The following AGO3 variants were observed in gnomAD, a reference collection of about 807,000 sequenced individuals.
AGO3 encodes argonaute RISC catalytic component 3.
AGO3 carries 16 observed loss-of-function variants against 105.5 expected under a neutral mutation model. The observed-to-expected ratio is 0.15, with a 90% confidence interval of 0.10 to 0.23. The LOEUF (loss-of-function observed/expected upper bound fraction) is 0.23. Ranked by LOEUF, AGO3 falls within the 10% of genes least tolerant of loss-of-function variation. The pLI, the probability that AGO3 is intolerant of heterozygous loss-of-function variation, is 1.00. For missense variants in AGO3, 534 were observed against 1,088.0 expected (o/e 0.49, Z 7.16); for synonymous variants, 340 against 367.3 (o/e 0.93, Z 0.85).
intron 13 of AGO3, among the ~76,000 whole-genome samples, chr1:36,035,513 A>T (rs1216192262): frequency 1.3e-5 from 2 of 152,214 alleles, no homozygotes; most frequent in African/African-American, 4.8e-5. Flanking sequence ...GGAGTAGTGG[A>T]TTCCCAAAAT....
chr1:35,996,192 G>C (rs1362848952), intron 5 of AGO3, among the ~76,000 whole-genome samples: 3 of 151,876 alleles, frequency 2.0e-5, no homozygotes, highest in Admixed American at 2.0e-4. Flanking sequence ...GAGCGTGGTG[G>C]TGCATGCCTC....
Position 36,027,203 on chromosome 1 carries a change from C to A in AGO3, c.1496C>A (p.Ala499Glu), listed in dbSNP as rs1557696571. ...TGCTTCTGCAAATATGCACAGGGGG[C>A]AGACAGCGTAGAGCCCATGTTCCGG... ...QPCFCKYAQG[A>E]DSVEPMFRHL... The change falls in exon 12 of 19, where the codon GCA becomes GAA. Residue 499 changes from alanine to glutamate, a missense_variant. Physicochemically the swap from Ala to Glu is moderately radical, Grantham distance 107 (BLOSUM62 -1). Around this residue, in one of 2 missense-constraint regions of AGO3, gnomAD observed 373 missense variants for 854.0 expected, o/e 0.44. Coordinates refer to ENST00000373191, the MANE Select transcript of AGO3 (RefSeq NM_024852.4). This position sits in a 1 kb window ranked among gnomAD's most constrained non-coding sequence, Gnocchi z 4.0. 2 of 1,614,190 alleles carry A rather than the reference C, an allele frequency of 1.2e-6. No homozygotes were observed. The highest frequency in any genetic ancestry group is 1.7e-6 in the Non-Finnish European group (2 of 1,180,030).
intron 16 of AGO3, among the ~76,000 whole-genome samples, chr1:36,042,581 T>C (rs1642295312): frequency 6.6e-6 from 1 of 152,204 alleles, no homozygotes. Flanking sequence ...GCAAAAATAT[T>C]ATCTGAGTCA....
chr1:35,991,491 A>T (rs1353820799), intron 5 of AGO3, among the ~76,000 whole-genome samples: 8 of 149,870 alleles, frequency 5.3e-5, no homozygotes. Flanking sequence ...TTTTTAAAAA[A>T]TTTTCAGAAT....
chr1:35,933,193 G>A (rs1646086158), intron 1 of AGO3, among the ~76,000 whole-genome samples: 4 of 152,102 alleles, frequency 2.6e-5, no homozygotes, highest in Admixed American at 1.3e-4. Flanking sequence ...CTTCAGTACA[G>A]TTTATACATG....
chr1:36,033,850 A>C (rs1236144512), intron 12 of AGO3, among the ~76,000 whole-genome samples: 2 of 152,130 alleles, frequency 1.3e-5, no homozygotes, highest in East Asian at 1.9e-4. Context: ...ATTGGAAGAG[A>C]GTACTATAAA....
At chr1:35,951,772 G>A (rs1266424964) in intron 2 of AGO3, among the ~76,000 whole-genome samples, 1 of 152,146 alleles carries the variant, frequency 6.6e-6, no homozygotes, top group East Asian at 1.9e-4. Flanking sequence ...GAGCAGCAAT[G>A]TGTTTAAAGA....
rs1643146260 is a variant in AGO3, at chr1:36,070,418, G to T, written c.*14673G>T. On this transcript the variant is annotated 3_prime_UTR_variant, in exon 19 of 19. Transcript: ENST00000373191. ...GATGCAGTTACCTTTATAGATCGTG[G>T]CAGGTCCTTACATTTCAACAGGCTT... 6.6e-6 allele frequency: 1 copy of T among 152,188 alleles called. No individual in the cohort carries two copies. 9.4% of individuals were successfully genotyped at this position (152,188 alleles called of 1,614,324 possible). A position where few individuals can be genotyped will look rare whatever the true frequency, so the allele number is the denominator to read the frequency against.
intron 11 of AGO3, among the ~76,000 whole-genome samples, chr1:36,021,829 A>G (rs1641240934): frequency 6.6e-6 from 1 of 152,126 alleles, no homozygotes; most frequent in African/African-American, 2.4e-5. Context: ...TTTCTAGTCA[A>G]CAGACCTGAA....
In AGO3 at chr1:36,057,251, GAA is replaced by G. The variant is rs1281914937; in HGVS notation, c.*1507_*1508del. Reference sequence around the variant, plus strand: ...TGAGACCTCTGAAATTGAGTAGAGAGAAGAGTTTGTTGAGGGATTTTTTTGTT... The same window carrying G: ...TGAGACCTCTGAAATTGAGTAGAGAGGAGTTTGTTGAGGGATTTTTTTGTT... On this transcript the variant is annotated 3_prime_UTR_variant, in exon 19 of 19. Transcript: ENST00000373191. 3 of 152,032 alleles carry G rather than the reference GAA, an allele frequency of 2.0e-5. No individual in the cohort carries two copies. The highest frequency in any genetic ancestry group is 7.2e-5 in the African/African-American group (3 of 41,384). 9.4% of individuals were successfully genotyped at this position (152,032 alleles called of 1,614,324 possible).
intron 11 of AGO3, among the ~76,000 whole-genome samples, chr1:36,026,376 G>A (rs572367438): frequency 6.6e-6 from 1 of 152,206 alleles, no homozygotes; most frequent in South Asian, 2.1e-4. Flanking sequence ...CCAAATTGCT[G>A]GGATTATAGG....
intron 17 of AGO3, among the ~76,000 whole-genome samples, chr1:36,049,932 G>A (rs1642634964): frequency 6.6e-6 from 1 of 152,164 alleles, no homozygotes; most frequent in African/African-American, 2.4e-5. Flanking sequence ...AGTATTATTA[G>A]CTCTAAAGAA....
At chr1:35,935,084 A>C (rs375626665) in intron 1 of AGO3, among the ~76,000 whole-genome samples, 1 of 152,314 alleles carries the variant, frequency 6.6e-6, no homozygotes, top group South Asian at 2.1e-4. Flanking sequence ...ATTTTGGCTT[A>C]TGCTGCCCTG....
chr1:36,001,066 TCTCCACTAAAA>T (rs1372999855), intron 5 of AGO3, among the ~76,000 whole-genome samples: 1 of 151,890 alleles, frequency 6.6e-6, no homozygotes, highest in Non-Finnish European at 1.5e-5. Flanking sequence ...TGAAACCCCG[TCTCCACTAAAA>T]ATAAAAAAAT....
rs972780956 is a variant in AGO3, at chr1:36,040,135, G to A, written c.2037+151G>A. ...TTGTCTTTTTGAAAATGTTCACTACGAATGTGTATGCCTTGCTTGCTAAGA... is the reference window on the plus strand; with the variant it reads ...TTGTCTTTTTGAAAATGTTCACTACAAATGTGTATGCCTTGCTTGCTAAGA... On this transcript the variant is annotated intron_variant, in intron 15 of 18. Coordinates refer to ENST00000373191, the MANE Select transcript of AGO3 (RefSeq NM_024852.4). The A allele has an allele frequency of 3.5e-6, 4 of 1,156,584 alleles. 1 individual carries two copies. The highest frequency in any genetic ancestry group is 3.3e-5 in the South Asian group (2 of 61,538). The allele number at this position is 1,156,584 out of a possible 1,614,324, so 71.6% of individuals were successfully genotyped here. A position where few individuals can be genotyped will look rare whatever the true frequency, so the allele number is the denominator to read the frequency against.
intron 5 of AGO3, among the ~76,000 whole-genome samples, chr1:35,984,055 A>G (rs1411007048): frequency 6.6e-6 from 1 of 152,236 alleles, no homozygotes; most frequent in Non-Finnish European, 1.5e-5. Flanking sequence ...AGAGGAGGAT[A>G]AAGCCGTCGA....
rs1446288262 is a variant in AGO3 at position 36,027,786 on chromosome 1, A to AT, written c.1591+488_1591+489insT. Reference sequence around the variant, plus strand: ...AGAGCGAAAGTCCGTCTCAAAAAAAAAAAAAAAGGGTTTCAGTAGTGAAAA... The same window carrying AT: ...AGAGCGAAAGTCCGTCTCAAAAAAAATAAAAAAAGGGTTTCAGTAGTGAAAA... On this transcript the variant is annotated intron_variant, in intron 12 of 18. Coordinates refer to ENST00000373191, the MANE Select transcript of AGO3 (RefSeq NM_024852.4). This position sits in a 1 kb window ranked among gnomAD's most constrained non-coding sequence, Gnocchi z 4.0. 6.6e-6 allele frequency among the ~76,000 whole-genome samples: 1 copy of AT among 152,184 alleles called. No homozygotes were observed. The highest frequency in any genetic ancestry group is 6.6e-5 in the Admixed American group (1 of 15,264).
Position 36,062,647 on chromosome 1 carries a change from C to T in AGO3, c.*6902C>T, listed in dbSNP as rs1643040297. On this transcript the variant is annotated 3_prime_UTR_variant, in exon 19 of 19. Transcript: ENST00000373191. ...AGAAATGTAGTTACCTACCAGAGGG[C>T]AATTTTGCTCCATACCAGGAAGCAG... 3 of 152,020 alleles carry T rather than the reference C, an allele frequency of 2.0e-5. No individual in the cohort carries two copies. Among genetic ancestry groups the T allele is most frequent in the Non-Finnish European group, 4.4e-5 (3 of 67,992 alleles). 9.4% of individuals were successfully genotyped at this position (152,020 alleles called of 1,614,324 possible).
intron 5 of AGO3, among the ~76,000 whole-genome samples, chr1:36,002,923 T>C (rs1164854092): frequency 6.6e-6 from 1 of 151,968 alleles, no homozygotes; most frequent in Admixed American, 6.6e-5. Flanking sequence ...ATACAAAAAT[T>C]AGCCGGGTGT....
Sources: allele counts gnomAD v4.1 joint callset (sites outside exome capture counted in the v4.1 genomes callset), GRCh38; gene constraint gnomAD v4.1.1; regional missense constraint gnomAD v4.1.1; non-coding constraint Gnocchi (gnomAD v3.1); transcripts MANE v1.5; gene names NCBI Gene and HGNC (gene_info 2026-07-23, HGNC 2026-07-21).